MED27: variants seen among roughly 807,000 people sequenced by gnomAD.
MED27 encodes the protein mediator of RNA polymerase II transcription subunit 27.
In MED27, 30 loss-of-function variants were observed where a neutral mutation model predicts 38.2. The ratio of observed to expected loss-of-function variants is 0.79; its 90% confidence interval spans 0.59 to 1.07. The LOEUF is 1.07. MED27 is among the 50% of genes least tolerant of loss of function. The pLI, the probability that MED27 is intolerant of heterozygous loss-of-function variation, is 0.00. For missense variants in MED27, 289 were observed against 397.5 expected (o/e 0.73, Z 2.32); for synonymous variants, 122 against 153.5 (o/e 0.79, Z 1.52).
chr9:131,931,975 C>T (rs1309923732), intron 4 of MED27, among the ~76,000 whole-genome samples: 1 of 152,064 alleles, frequency 6.6e-6, no homozygotes, highest in East Asian at 1.9e-4. Flanking sequence ...CAGACGTAAC[C>T]TGGACTACAG....
chr9:131,883,231 C>T lies in MED27; in HGVS notation c.723+827G>A, dbSNP rs1463109974. Among the ~76,000 whole-genome samples, 1 of 152,114 alleles carries T rather than the reference C, an allele frequency of 6.6e-6. No individual in the cohort carries two copies. Among genetic ancestry groups the T allele is most frequent in the Non-Finnish European group, 1.5e-5 (1 of 68,030 alleles). ...AGGGAATGAATGAGATGATGGCCAA[C>T]TCTCTTATTTCACTACTGGATGAGA... On this transcript the variant is annotated intron_variant, in intron 6 of 7. Transcript: ENST00000292035. This position sits in a 1 kb window ranked among gnomAD's most constrained non-coding sequence, Gnocchi z 4.2.
chr9:132,022,371 A>C (rs983726940), intron 2 of MED27, among the ~76,000 whole-genome samples: 5 of 152,252 alleles, frequency 3.3e-5, no homozygotes, highest in African/African-American at 1.2e-4. Flanking sequence ...GAAGAATGAC[A>C]CATCTCAGGA....
rs528977599 is a variant in MED27, at chr9:131,913,974, G to C, written c.574-19982C>G. Among the ~76,000 whole-genome samples the C allele has an allele frequency of 8.5e-5, 13 of 152,252 alleles. No individual in the cohort carries two copies. In the East Asian group the frequency reaches 2.5e-3, roughly 29 times the overall value. ...TTCATTCATTCAACAGCTCTTAACA[G>C]AACGCTTCCTTTGTGCCAGGTGCAG... On this transcript the variant is annotated intron_variant, in intron 4 of 7. Transcript: ENST00000292035. The surrounding 1 kb of genome is among the most constrained non-coding windows in gnomAD (Gnocchi z 4.5).
intron 4 of MED27, among the ~76,000 whole-genome samples, chr9:131,899,820 G>A (rs1271197124): frequency 3.3e-5 from 5 of 152,182 alleles, no homozygotes; most frequent in Admixed American, 6.5e-5. Context: ...GTATCTGCAT[G>A]CACCAGGTTG....
intron 2 of MED27, among the ~76,000 whole-genome samples, chr9:132,056,111 G>C (rs1833570875): frequency 6.6e-6 from 1 of 152,128 alleles, no homozygotes; most frequent in South Asian, 2.1e-4. Context: ...GAATATAACA[G>C]GCATAACATT....
intron 3 of MED27, among the ~76,000 whole-genome samples, chr9:131,995,614 G>A (rs1832075047): frequency 6.6e-6 from 1 of 151,994 alleles, no homozygotes; most frequent in Non-Finnish European, 1.5e-5. Context: ...ACCATCCAAG[G>A]GCTTAGTGAC....
intron 6 of MED27, chr9:131,868,559 C>T (rs1311134176): frequency 3.1e-6 from 3 of 982,030 alleles, no homozygotes; most frequent in Non-Finnish European, 3.6e-6. Flanking sequence ...TACAGGCGTG[C>T]GCCACTGCGC....
chr9:132,058,310 T>C (rs984481261), intron 2 of MED27, among the ~76,000 whole-genome samples: 1 of 152,190 alleles, frequency 6.6e-6, no homozygotes, highest in African/African-American at 2.4e-5. Flanking sequence ...CCAAATATCA[T>C]CTTGAATTGT....
intron 4 of MED27, among the ~76,000 whole-genome samples, chr9:131,916,856 C>A (rs1336226135): frequency 6.6e-6 from 1 of 152,162 alleles, no homozygotes; most frequent in African/African-American, 2.4e-5. Context: ...ATCCACAATC[C>A]TCTTTGCACA....
chr9:132,012,473 C>G (rs1832505661), intron 3 of MED27, among the ~76,000 whole-genome samples: 1 of 152,172 alleles, frequency 6.6e-6, no homozygotes, highest in Admixed American at 6.5e-5. Context: ...TTCCTCCTAT[C>G]CTGGAAGCAA....
At chr9:131,876,474 G>T (rs576956568) in intron 6 of MED27, among the ~76,000 whole-genome samples, 115 of 152,320 alleles carry the variant, frequency 7.5e-4, no homozygotes, top group Non-Finnish European at 1.3e-3. Context: ...CTGGGGCGGC[G>T]TAAGAGGAGA....
At chr9:131,988,200 A>G (rs1398368983) in intron 3 of MED27, among the ~76,000 whole-genome samples, 12 of 152,228 alleles carry the variant, frequency 7.9e-5, no homozygotes, top group Non-Finnish European at 5.9e-5. Context: ...ACAACATGAT[A>G]TTGAGAAATA....
intron 3 of MED27, among the ~76,000 whole-genome samples, chr9:132,000,493 G>A (rs558408994): frequency 6.6e-6 from 1 of 152,118 alleles, no homozygotes; most frequent in Admixed American, 6.5e-5. Context: ...CCTAGCTATT[G>A]TACTCCTCAA....
chr9:131,999,292 G>A (rs1035438323), intron 3 of MED27, among the ~76,000 whole-genome samples: 19 of 152,142 alleles, frequency 1.2e-4, no homozygotes, highest in Admixed American at 3.3e-4. Context: ...TCTATGGGCC[G>A]GGTCCACGAA....
At position 132,051,860 on chromosome 9, in the gene MED27, C is replaced by G. The variant is rs140166580; in HGVS notation, c.348+25582G>C. Reference sequence around the variant, plus strand: ...TATCACATTAAAACCAGAAGAATCCCGATGGACGAGACTGAGGTGCCAAAA... The same window carrying G: ...TATCACATTAAAACCAGAAGAATCCGGATGGACGAGACTGAGGTGCCAAAA... On this transcript the variant is annotated intron_variant, in intron 2 of 7. Coordinates refer to ENST00000292035, the MANE Select transcript of MED27 (RefSeq NM_004269.4). This position sits in a 1 kb window ranked among gnomAD's most constrained non-coding sequence, Gnocchi z 4.2. 1.3e-3 allele frequency among the ~76,000 whole-genome samples: 195 copies of G among 152,240 alleles called. No individual in the cohort carries two copies. The highest frequency in any genetic ancestry group is 4.4e-3 in the African/African-American group (183 of 41,532).
intron 2 of MED27, among the ~76,000 whole-genome samples, chr9:132,038,188 C>CTTTTTTTTTTTTT (rs144353393): frequency 8.0e-6 from 1 of 125,720 alleles, no homozygotes; most frequent in Non-Finnish European, 1.6e-5. Context: ...AGGCATCCTT[C>CTTTTTTTTTTTTT]TTTTTTTTTT....
intron 6 of MED27, among the ~76,000 whole-genome samples, chr9:131,871,929 A>G (rs7852903): frequency 0.84 from 128,236 of 152,198 alleles, 54,153 homozygotes; most frequent in Middle Eastern, 0.88. Context: ...CCTGCCAGGC[A>G]TTCTAAAACA....
chr9:132,075,513 A>G (rs933234188), intron 2 of MED27, among the ~76,000 whole-genome samples: 1 of 152,234 alleles, frequency 6.6e-6, no homozygotes, highest in East Asian at 1.9e-4. Context: ...TTCCACATAC[A>G]TAACATTTCT....
intron 3 of MED27, among the ~76,000 whole-genome samples, chr9:131,967,010 A>G (rs1305785838): frequency 2.0e-5 from 3 of 152,234 alleles, no homozygotes; most frequent in African/African-American, 7.2e-5. Flanking sequence ...GAGGAACAAT[A>G]CTATTTCACT....
Sources: allele counts gnomAD v4.1 joint callset (sites outside exome capture counted in the v4.1 genomes callset), GRCh38; gene constraint gnomAD v4.1.1; non-coding constraint Gnocchi (gnomAD v3.1); transcripts MANE v1.5; gene names NCBI Gene and HGNC (gene_info 2026-07-23, HGNC 2026-07-21).